The following ITIH6 variants were observed in gnomAD, a reference collection of about 807,000 sequenced individuals.
ITIH6 encodes inter-alpha-trypsin inhibitor heavy chain family member 6.
Under a neutral mutation model 58.2 loss-of-function variants are expected in ITIH6, and 60 were observed. The ratio of observed to expected loss-of-function variants is 1.03; its 90% confidence interval spans 0.84 to 1.28. The LOEUF (loss-of-function observed/expected upper bound fraction) is 1.28, where lower values mean the gene tolerates loss of function less well. Among genes scored for constraint, ITIH6 ranks in the 50% most tolerant of loss-of-function variants. ITIH6 has a pLI of 0.00. For missense variants in ITIH6, 1,290 were observed against 1,021.1 expected, an observed-to-expected ratio of 1.26 and a Z score of -3.59; for synonymous variants, 493 against 417.4, an observed-to-expected ratio of 1.18 and a Z score of -2.21.
chrX:54,757,017 C>T lies in ITIH6; in HGVS notation c.3057G>A (p.Val1019=). ...AGAAAGCTGGTGGGTTCAAGGACTC[C>T]ACGAACTTGGATTCCACCATTGATT... ...LSESMVESKF[V]ESLNPPAFYT... Residue 1019 remains valine, a synonymous_variant, in exon 8 of 13, where the codon GTG becomes GTA. Coordinates refer to ENST00000218436, the MANE Select transcript of ITIH6 (RefSeq NM_198510.3). The T allele has an allele frequency of 1.7e-6, 2 of 1,208,893 alleles. No homozygotes were observed. The highest frequency in any genetic ancestry group is 2.2e-6 in the Non-Finnish European group (2 of 894,256).
chrX:54,790,763 AC>A (rs1929329636), intron 4 of ITIH6, 73 bp downstream of exon 4: 21 of 1,160,577 alleles, frequency 1.8e-5, no homozygotes, highest in Non-Finnish European at 2.3e-5. Context: ...CTAGAGGGAA[AC>A]CCAGTGGAAT....
rs148017341 is a variant in ITIH6 at position 54,758,886 on chromosome X, C to T, written c.1188G>A (p.Thr396=). Residue 396 remains threonine, a synonymous_variant, in exon 8 of 13, where the codon ACG becomes ACA. Transcript: ENST00000218436. ...VGRIPLIIFL[T]DGEPTAGVTT... Reference sequence around the variant, plus strand: ...TCACGCCGGCCGTGGGCTCCCCATCCGTCAGGAAGATGATAAGAGGGATCC... The same window carrying T: ...TCACGCCGGCCGTGGGCTCCCCATCTGTCAGGAAGATGATAAGAGGGATCC... 202 of 1,209,103 alleles carry T rather than the reference C, an allele frequency of 1.7e-4. 1 individual carries two copies. In the African/African-American group the frequency reaches 3.1e-3, roughly 19 times the overall value.
At chrX:54,797,959 A>ACCCC (rs1929473011) in intron 1 of ITIH6, 150 bp downstream of exon 1, 1 of 442,657 alleles carries the variant, frequency 2.3e-6, no homozygotes, top group African/African-American at 2.5e-5. Context: ...AGCACCTGAC[A>ACCCC]TGTGCTCAGC....
chrX:54,773,733 C>T (rs1161230738), intron 6 of ITIH6, among the ~76,000 whole-genome samples: 1 of 110,633 alleles, frequency 9.0e-6, no homozygotes, highest in African/African-American at 3.3e-5. Flanking sequence ...AACCTTGTGG[C>T]CTCAGGAAGA....
rs138972125 is a variant in ITIH6 at position 54,794,706 on chromosome X, A to G, written c.257+2236T>C. ...AGGGCTGCTGTTTGAGGTTGTACAG[A>G]TTATTGATGGCACAAGAACCTCCTC... On this transcript the variant is annotated intron_variant, in intron 2 of 12. Transcript: ENST00000218436. Among the ~76,000 whole-genome samples the G allele has an allele frequency of 4.5e-3, 506 of 111,401 alleles. 1 individual carries two copies. The highest frequency in any genetic ancestry group is 0.016 in the African/African-American group (478 of 30,637).
rs775058785 is a variant in ITIH6 at position 54,751,133 on chromosome X, G to A, written c.3600C>T (p.Arg1200=). ...CTAGGAACTCAAGGTAGGGCCCAAG[G>A]CGGAGGGTAAGGCGGGCTGCAGCAG... ...YVAAAARLTL[R]LGPYLEFLVL... The change falls in exon 12 of 13, where the codon CGC becomes CGT. Residue 1200 remains arginine (R), a synonymous_variant. Coordinates refer to ENST00000218436, the MANE Select transcript of ITIH6 (RefSeq NM_198510.3). The A allele has an allele frequency of 7.4e-6, 9 of 1,208,289 alleles. No homozygotes were observed. The highest frequency in any genetic ancestry group is 7.1e-5 in the South Asian group (4 of 56,305).
At chrX:54,787,962 C>T (rs964875159) in intron 5 of ITIH6, among the ~76,000 whole-genome samples, 8 of 111,029 alleles carry the variant, frequency 7.2e-5, no homozygotes, top group Non-Finnish European at 1.1e-4. Context: ...GCCCTGGGAT[C>T]GGTGCTCTGT....
At chrX:54,796,683 CAA>C (rs11368671) in intron 2 of ITIH6, among the ~76,000 whole-genome samples, 10 of 78,374 alleles carry the variant, frequency 1.3e-4, no homozygotes, top group Non-Finnish European at 1.5e-4. Context: ...GACTCCATGT[CAA>C]AAAAAAAAAA....
In ITIH6 at chrX:54,782,576, A is replaced by G. The variant is rs773394315; in HGVS notation, c.786+5904T>C. On this transcript the variant is annotated intron_variant, in intron 5 of 12. Coordinates refer to ENST00000218436, the MANE Select transcript of ITIH6 (RefSeq NM_198510.3). ...CCTTGAACTTAAAAGTTAAATTAAC[A>G]AAAAGAAAATCTAGAAGAAATGGAC... Among the ~76,000 whole-genome samples the G allele has an allele frequency of 8.0e-5, 9 of 111,857 alleles. No homozygotes were observed. In the South Asian group the frequency reaches 3.0e-3, roughly 37 times the overall value.
At chrX:54,777,664 G>A (rs1437655696) in intron 5 of ITIH6, among the ~76,000 whole-genome samples, 1 of 112,304 alleles carries the variant, frequency 8.9e-6, no homozygotes, top group Non-Finnish European at 1.9e-5. Flanking sequence ...TAGTCTGCCT[G>A]GTAATGGAAA....
At chrX:54,759,959 G>A in intron 6 of ITIH6, 32 bp from the exon 7 acceptor site, 1 of 1,128,897 alleles carries the variant, frequency 8.9e-7, no homozygotes, top group South Asian at 2.0e-5. Context: ...AAGAGAATGG[G>A]ACAAGACTTG....
intron 5 of ITIH6, among the ~76,000 whole-genome samples, chrX:54,783,313 C>A (rs1167223289): frequency 6.3e-5 from 7 of 111,693 alleles, no homozygotes; most frequent in Non-Finnish European, 1.3e-4. Flanking sequence ...ACTGTTATTC[C>A]ACAAAGTACT....
chrX:54,774,021 T>A, intron 6 of ITIH6, 60 bp downstream of exon 6: 1 of 688,455 alleles, frequency 1.5e-6, no homozygotes, highest in Non-Finnish European at 2.2e-6. Flanking sequence ...GTTACCACGC[T>A]CTCTGCTTTC....
intron 11 of ITIH6, among the ~76,000 whole-genome samples, chrX:54,752,388 T>A (rs1254801188): frequency 1.8e-5 from 2 of 111,744 alleles, no homozygotes; most frequent in Non-Finnish European, 3.8e-5. Flanking sequence ...TATTGGCATT[T>A]TATGAAAAGT....
Position 54,751,240 on chromosome X carries a change from A to G in ITIH6, c.3493T>C (p.Ser1165Pro). 1 of 1,211,779 alleles carries G rather than the reference A, an allele frequency of 8.3e-7. No individual in the cohort carries two copies. Among genetic ancestry groups the G allele is most frequent in the Non-Finnish European group, 1.1e-6 (1 of 895,491 alleles). Residue 1165 changes from serine to proline, a missense_variant, in exon 12 of 13, where the codon TCT (serine) becomes CCT (proline). Physicochemically the swap from Ser to Pro is moderately conservative, Grantham distance 74 (BLOSUM62 -1). Coordinates refer to ENST00000218436, the MANE Select transcript of ITIH6 (RefSeq NM_198510.3). ...CGCAAGGTACCCTCGCCTCGCAAAGATATAGAACTGCGGCTGATGGTGATA... is the reference window on the plus strand; with the variant it reads ...CGCAAGGTACCCTCGCCTCGCAAAGGTATAGAACTGCGGCTGATGGTGATA... ...YTITISRSSI[S>P]LRGEGTLRLS...
chrX:54,758,675 C>G lies in ITIH6; in HGVS notation c.1399G>C (p.Glu467Gln). ...DAALQLKGLYEEISMPLLADV... is the reference protein window; with the variant it reads ...DAALQLKGLYQEISMPLLADV... Reference sequence around the variant, plus strand: ...GCCAGCAGAGGCATGGAGATCTCCTCATAGAGGCCCTTCAGCTGTAGGGCC... The same window carrying G: ...GCCAGCAGAGGCATGGAGATCTCCTGATAGAGGCCCTTCAGCTGTAGGGCC... The change falls in exon 8 of 13, where the codon GAG becomes CAG. Residue 467 changes from glutamate to glutamine, a missense_variant. Physicochemically the swap from Glu to Gln is conservative, Grantham distance 29 (BLOSUM62 2). Transcript: ENST00000218436. 8.3e-7 allele frequency: 1 copy of G among 1,211,607 alleles called. No individual in the cohort carries two copies.
chrX:54,783,882 T>C (rs1390667503), intron 5 of ITIH6, among the ~76,000 whole-genome samples: 1 of 111,888 alleles, frequency 8.9e-6, no homozygotes, highest in Non-Finnish European at 1.9e-5. Flanking sequence ...TAACCAAAGC[T>C]ATCCTAAACC....
Position 54,751,066 on chromosome X carries a change from G to T in ITIH6, c.3667C>A (p.Pro1223Thr), listed in dbSNP as rs756773471. ...TTGGCCACGTAGAACCCCAGGTGGG[G>T]TAGTTGCAGGGTACTGGGATGCCTG... ...RYRHPSTLQL[P>T]HLGFYVANGS... Residue 1223 changes from proline to threonine, a missense_variant, in exon 12 of 13, where the codon CCC becomes ACC. Pro to Thr is a conservative substitution (Grantham distance 38). Transcript: ENST00000218436. The T allele has an allele frequency of 8.4e-6, 10 of 1,196,222 alleles. No individual in the cohort carries two copies. The highest frequency in any genetic ancestry group is 1.1e-5 in the Non-Finnish European group (10 of 887,524).
chrX:54,777,815 A>G (rs1569544185), intron 5 of ITIH6, among the ~76,000 whole-genome samples: 5 of 112,518 alleles, frequency 4.4e-5, no homozygotes, highest in Non-Finnish European at 9.4e-5. Context: ...GAATATCTGG[A>G]AAGTCTTTCC....
Sources: allele counts gnomAD v4.1 joint callset (sites outside exome capture counted in the v4.1 genomes callset), GRCh38; gene constraint gnomAD v4.1.1; transcripts MANE v1.5; gene names NCBI Gene and HGNC (gene_info 2026-07-23, HGNC 2026-07-21).